Variants in ANK2 observed in about 807,000 individuals in gnomAD.
ANK2 encodes ankyrin 2, also known as ankyrin-2.
A neutral mutation model predicts 360.5 loss-of-function variants in ANK2; 83 were observed. The ratio of observed to expected loss-of-function variants is 0.23; its 90% confidence interval spans 0.19 to 0.28. ANK2 has a LOEUF of 0.28. Ranked by LOEUF, ANK2 falls within the 10% of genes least tolerant of loss-of-function variation. The pLI, the probability that ANK2 is intolerant of heterozygous loss-of-function variation, is 1.00. For synonymous variants in ANK2, 1,740 were observed against 1,759.5 expected (o/e 0.99, Z 0.28); for missense variants, 4,201 against 4,795.7 (o/e 0.88, Z 3.66).
intron 1 of ANK2, among the ~76,000 whole-genome samples, chr4:113,166,959 A>C (rs1422202775): frequency 1.3e-5 from 2 of 152,160 alleles, no homozygotes; most frequent in African/African-American, 2.4e-5. Context: ...ACAACTAATA[A>C]AAAATTATCC....
the ANK2 span, among the ~76,000 whole-genome samples, chr4:112,710,139 G>A: frequency 6.6e-6 from 1 of 152,214 alleles, no homozygotes; most frequent in African/African-American, 2.4e-5. Flanking sequence ...CGTGGGTTTA[G>A]AGAAACTGAG....
At position 112,846,405 on chromosome 4, in the gene ANK2, G is replaced by A. The variant is rs1043901852; in HGVS notation, c.-40+28141G>A. Among the ~76,000 whole-genome samples the A allele has an allele frequency of 8.5e-5, 13 of 152,070 alleles. No individual in the cohort carries two copies. In the East Asian group the frequency reaches 2.1e-3, roughly 25 times the overall value. ...GCTAGGATTACAGACATGAGCCACCGCACCCAACCCTATTAACTTTTAATA... is the reference window on the plus strand; with the variant it reads ...GCTAGGATTACAGACATGAGCCACCACACCCAACCCTATTAACTTTTAATA... On this transcript the variant is annotated intron_variant, in intron 1 of 30. Coordinates refer to the ANK2 transcript ENST00000503271.
intron 26 of ANK2, among the ~76,000 whole-genome samples, chr4:113,328,248 C>A (rs1211290598): frequency 6.6e-6 from 1 of 151,084 alleles, no homozygotes; most frequent in Non-Finnish European, 1.5e-5. Context: ...ATGGAGGCAG[C>A]AACCAAAAGA....
intron 2 of ANK2, among the ~76,000 whole-genome samples, chr4:113,033,180 A>G (rs890707536): frequency 6.6e-6 from 1 of 151,556 alleles, no homozygotes; most frequent in Non-Finnish European, 1.5e-5. Context: ...AGTGTAGCAT[A>G]GGATAACATC....
Position 113,353,121 on chromosome 4 carries a change from G to A in ANK2, c.4503G>A (p.Pro1501=), listed in dbSNP as rs779049064. The A allele has an allele frequency of 7.4e-6, 12 of 1,613,904 alleles. No homozygotes were observed. The highest frequency in any genetic ancestry group is 1.6e-4 in the Middle Eastern group (1 of 6,084). ...LVNEVPVLAS[P]DLLSEVSEMK... ...ATGAAGTTCCTGTCCTAGCAAGTCCGGACTTGCTCTCTGAAGTTTCTGAGA... is the reference window on the plus strand; with the variant it reads ...ATGAAGTTCCTGTCCTAGCAAGTCCAGACTTGCTCTCTGAAGTTTCTGAGA... Residue 1501 remains proline (P), a synonymous_variant, in exon 38 of 46, where the codon CCG becomes CCA. Transcript: ENST00000357077.
At chr4:112,895,809 C>A (rs373874203) in intron 1 of ANK2, among the ~76,000 whole-genome samples, 7 of 152,142 alleles carry the variant, frequency 4.6e-5, no homozygotes, top group African/African-American at 1.7e-4. Flanking sequence ...ATTCCAAAAT[C>A]AAAATCAGAA....
At chr4:112,927,129 C>T (rs1309259367) in intron 2 of ANK2, among the ~76,000 whole-genome samples, 5 of 152,156 alleles carry the variant, frequency 3.3e-5, no homozygotes, top group Non-Finnish European at 7.4e-5. Flanking sequence ...AATATCTCCA[C>T]CTGGTCCCAC....
intron 36 of ANK2, among the ~76,000 whole-genome samples, chr4:113,348,581 G>A (rs780136601): frequency 7.9e-5 from 12 of 152,036 alleles, no homozygotes; most frequent in Non-Finnish European, 1.2e-4. Flanking sequence ...TATCTCAGGG[G>A]TTCTTAGTCA....
intron 2 of ANK2, among the ~76,000 whole-genome samples, chr4:112,954,229 CCCTT>C (rs1162519296): frequency 1.5e-4 from 21 of 141,464 alleles, no homozygotes; most frequent in Middle Eastern, 3.6e-3. Flanking sequence ...CTCCCTCCCT[CCCTT>C]CCTTCCTTCC....
chr4:113,364,058 A>G (rs1314372165), intron 40 of ANK2, among the ~76,000 whole-genome samples: 1 of 152,140 alleles, frequency 6.6e-6, no homozygotes, highest in Non-Finnish European at 1.5e-5. Context: ...CATATTTGTT[A>G]TTGTTTGTTT....
intron 1 of ANK2, among the ~76,000 whole-genome samples, chr4:113,066,193 G>C (rs2154337516): frequency 1.3e-5 from 2 of 152,056 alleles, no homozygotes; most frequent in East Asian, 3.9e-4. Flanking sequence ...CCTCCCCCCA[G>C]CCCCACAAAA....
In ANK2 at chr4:113,067,177, A is replaced by G. The variant is rs552195335; in HGVS notation, c.84+17365A>G. Among the ~76,000 whole-genome samples, 30 of 152,208 alleles carry G rather than the reference A, an allele frequency of 2.0e-4. 1 individual carries two copies. The South Asian group carries it at 2.9e-3, about 15-fold the overall frequency. ...CTCTGGAGACTGCAGCGAATGGGAA[A>G]ATCTGGAGACAGATTTTACCCAGGG... On this transcript the variant is annotated intron_variant, in intron 1 of 45. Coordinates refer to ENST00000357077, the MANE Select transcript of ANK2 (RefSeq NM_001148.6).
intron 2 of ANK2, among the ~76,000 whole-genome samples, chr4:113,006,142 T>G (rs997650945): frequency 6.6e-6 from 1 of 152,222 alleles, no homozygotes; most frequent in Non-Finnish European, 1.5e-5. Context: ...TTCTGCATAT[T>G]TCAAAGTAAC....
chr4:112,892,625 A>G (rs2080404608), intron 1 of ANK2, among the ~76,000 whole-genome samples: 1 of 152,242 alleles, frequency 6.6e-6, no homozygotes, highest in African/African-American at 2.4e-5. Flanking sequence ...GAATGCTGAC[A>G]TTGTCCTGTT....
At chr4:113,116,344 G>C (rs990087681) in intron 1 of ANK2, among the ~76,000 whole-genome samples, 2 of 151,882 alleles carry the variant, frequency 1.3e-5, no homozygotes, top group East Asian at 3.9e-4. Flanking sequence ...TCCCTCTTTT[G>C]AGCTCCCCGC....
At chr4:112,970,668 T>TAC (rs2039197558) in intron 2 of ANK2, among the ~76,000 whole-genome samples, 1 of 152,222 alleles carries the variant, frequency 6.6e-6, no homozygotes, top group Non-Finnish European at 1.5e-5. Flanking sequence ...TAACTATATA[T>TAC]ACACATATAT....
the ANK2 span, among the ~76,000 whole-genome samples, chr4:112,779,749 T>C: frequency 1.3e-5 from 2 of 152,226 alleles, no homozygotes; most frequent in Admixed American, 1.3e-4. Flanking sequence ...TGTTCAGTTG[T>C]CTTCTTGCCT....
At chr4:113,141,755 A>G (rs998263915) in intron 1 of ANK2, among the ~76,000 whole-genome samples, 6 of 152,172 alleles carry the variant, frequency 3.9e-5, no homozygotes, top group Non-Finnish European at 8.8e-5. Flanking sequence ...AAAAGGTGAA[A>G]TTTAAAACTG....
intron 2 of ANK2, among the ~76,000 whole-genome samples, chr4:113,016,487 C>A (rs2056663763): frequency 6.6e-6 from 1 of 152,136 alleles, no homozygotes; most frequent in South Asian, 2.1e-4. Context: ...CTCCTGCCAT[C>A]TCTTCTCTGC....
Sources: gnomAD v4.1 joint callset for allele counts (sites outside exome capture counted in the v4.1 genomes callset) on GRCh38, gnomAD v4.1.1 for gene constraint, MANE v1.5 for transcripts, NCBI Gene and HGNC (gene_info 2026-07-23, HGNC 2026-07-21) for gene names.